The following GABRG2 variants were observed in gnomAD, a reference collection of about 807,000 sequenced individuals.
GABRG2 encodes gamma-aminobutyric acid receptor subunit gamma-2.
GABRG2 carries 16 observed loss-of-function variants against 56.4 expected under a neutral mutation model. The observed-to-expected ratio is 0.28, with a 90% CI of 0.19 to 0.43. The LOEUF is 0.43. GABRG2 is among the 20% of genes least tolerant of loss of function. GABRG2 has a pLI of 1.00. For synonymous variants in GABRG2, 208 were observed against 205.5 expected, an observed-to-expected ratio of 1.01 and a Z score of -0.10; for missense variants, 327 against 582.7, an observed-to-expected ratio of 0.56 and a Z score of 4.52.
In GABRG2 at chr5:162,104,035, C is replaced by A. The variant is rs1761626925; in HGVS notation, c.769+9C>A. On this transcript the variant is annotated intron_variant, in intron 6 of 9. Transcript: ENST00000639213. The stretch of plus-strand genomic sequence containing the variant: ...AGTGAAGACAACTTCCGGTAAGATG[C>A]ACTGGCAAAGAATTTCAAGTGACCC... 4 of 1,613,754 alleles carry A rather than the reference C, an allele frequency of 2.5e-6. No individual in the cohort carries two copies. The highest frequency in any genetic ancestry group is 3.4e-6 in the Non-Finnish European group (4 of 1,179,814).
intron 6 of GABRG2, among the ~76,000 whole-genome samples, chr5:162,122,819 A>G (rs1211850976): frequency 6.6e-6 from 1 of 151,716 alleles, no homozygotes; most frequent in African/African-American, 2.4e-5. Flanking sequence ...GCCCATTAAA[A>G]CCTAACATAA....
At chr5:162,106,064 A>G (rs1761806132) in intron 6 of GABRG2, among the ~76,000 whole-genome samples, 2 of 152,084 alleles carry the variant, frequency 1.3e-5, no homozygotes, top group African/African-American at 4.8e-5. Context: ...AGAGCCCAAC[A>G]TTACCACCTC....
At chr5:162,073,099 C>A (rs1758804890) in intron 1 of GABRG2, among the ~76,000 whole-genome samples, 1 of 151,844 alleles carries the variant, frequency 6.6e-6, no homozygotes, top group Non-Finnish European at 1.5e-5. Context: ...GAATCTACAA[C>A]AGATACTTTA....
chr5:162,100,487 CA>C (rs1222168961), intron 4 of GABRG2: 2 of 152,110 alleles, frequency 1.3e-5, no homozygotes, highest in Non-Finnish European at 2.9e-5. Context: ...ATTTGACTTT[CA>C]AATCTTCTCC....
chr5:162,152,707 G>A (rs1765460343), intron 9 of GABRG2: 4 of 434,278 alleles, frequency 9.2e-6, no homozygotes, highest in Non-Finnish European at 1.7e-5. Context: ...CAGAATTGAT[G>A]CATTTTTATT....
chr5:162,108,020 A>G (rs1158453893), intron 6 of GABRG2, among the ~76,000 whole-genome samples: 1 of 152,194 alleles, frequency 6.6e-6, no homozygotes, highest in Non-Finnish European at 1.5e-5. Flanking sequence ...AGCACTAACT[A>G]CATGCACCAT....
Position 162,111,687 on chromosome 5 carries a change from G to C in GABRG2, c.769+7661G>C, listed in dbSNP as rs1268842787. ...TGAGAAAGATATTCTTTTTCCATTT[G>C]ATAGATGAGGAAACTAAGGTTTAGA... is the stretch of plus-strand genomic sequence containing the variant. On this transcript the variant is annotated intron_variant, in intron 6 of 9. Coordinates refer to ENST00000639213, the MANE Select transcript of GABRG2 (RefSeq NM_198904.4). 3.3e-5 allele frequency among the ~76,000 whole-genome samples: 5 copies of C among 152,196 alleles called. No individual in the cohort carries two copies. The East Asian group carries it at 9.6e-4, about 29-fold the overall frequency.
rs200449368 is a variant in GABRG2 at position 162,142,204 on chromosome 5, A to G, written c.810A>G (p.Arg270=). Residue 270 remains arginine, a synonymous_variant, in exon 7 of 10, where the codon AGA becomes AGG. Coordinates refer to ENST00000639213, the MANE Select transcript of GABRG2 (RefSeq NM_198904.4). ...TGTCTGTCTACTTTGATCTGAGCAG[A>G]AGAATGGGATACTTTACCATCCAGA... ...VVMSVYFDLS[R]RMGYFTIQTY... 3.7e-6 allele frequency: 6 copies of G among 1,614,102 alleles called. No individual in the cohort carries two copies. Among genetic ancestry groups the G allele is most frequent in the East Asian group, 4.5e-5 (2 of 44,856 alleles).
At chr5:162,079,932 A>C (rs1016713812) in intron 1 of GABRG2, among the ~76,000 whole-genome samples, 1 of 152,076 alleles carries the variant, frequency 6.6e-6, no homozygotes, top group African/African-American at 2.4e-5. Context: ...GGGGTGCACC[A>C]CCATGCTCAG....
At position 162,085,712 on chromosome 5, in the gene GABRG2, G is replaced by C. The variant is rs116202966; in HGVS notation, c.108-8116G>C. Among the ~76,000 whole-genome samples the C allele has an allele frequency of 4.4e-3, 673 of 151,482 alleles. 7 individuals carry two copies. The highest frequency in any genetic ancestry group is 0.016 in the African/African-American group (647 of 41,274). The stretch of plus-strand genomic sequence containing the variant: ...TTGGTGCCCATCAGTTATTTTTCCT[G>C]ATCCTCTCCCTCCTCCTACCCTTCA... On this transcript the variant is annotated intron_variant, in intron 1 of 9. Coordinates refer to ENST00000639213, the MANE Select transcript of GABRG2 (RefSeq NM_198904.4).
At chr5:162,094,416 C>T (rs1216209377) in intron 2 of GABRG2, 1 of 195,190 alleles carries the variant, frequency 5.1e-6, no homozygotes, top group Non-Finnish European at 1.1e-5. Context: ...CAGAGATATA[C>T]TAATCTATGC....
At chr5:162,134,806 C>A (rs916147625) in intron 6 of GABRG2, among the ~76,000 whole-genome samples, 7 of 152,080 alleles carry the variant, frequency 4.6e-5, no homozygotes. Context: ...CGAAGACCAT[C>A]CCTCCTCAGC....
intron 1 of GABRG2, among the ~76,000 whole-genome samples, chr5:162,088,727 G>A (rs926790155): frequency 1.3e-5 from 2 of 152,054 alleles, no homozygotes; most frequent in Non-Finnish European, 2.9e-5. Context: ...AAGAATAATG[G>A]TTAAATGTTT....
chr5:162,089,220 C>T (rs1024205917), intron 1 of GABRG2, among the ~76,000 whole-genome samples: 22 of 151,960 alleles, frequency 1.4e-4, no homozygotes, highest in African/African-American at 5.3e-4. Context: ...TGGAGTTTGG[C>T]CTGATTTCCA....
In GABRG2 at chr5:162,153,404, C is replaced by T; in HGVS notation, c.*36C>T. The T allele has an allele frequency of 6.2e-7, 1 of 1,607,320 alleles. No individual in the cohort carries two copies. On this transcript the variant is annotated 3_prime_UTR_variant, in exon 10 of 10. Transcript: ENST00000639213. ...GTTTTACTGATATGGTTCTTATTCA[C>T]TGAGTCTCATGGAGAGATGTCTGTT... is the stretch of plus-strand genomic sequence containing the variant.
rs2284782 is a variant in GABRG2, at chr5:162,093,739, T to A, written c.108-89T>A. The A allele has an allele frequency of 5.2e-4, 653 of 1,249,738 alleles. 4 individuals carry two copies. The East Asian group carries it at 0.014, about 27-fold the overall frequency. 77.4% of individuals were successfully genotyped at this position (1,249,738 alleles called of 1,614,324 possible). On this transcript the variant is annotated intron_variant, in intron 1 of 9. Transcript: ENST00000639213. Reference sequence around the variant, plus strand: ...AGTTTAAACATTTCTTTTATCCTGTTTTATTTCTTCTTTTCCACTGGTGGT... The same window carrying A: ...AGTTTAAACATTTCTTTTATCCTGTATTATTTCTTCTTTTCCACTGGTGGT...
In GABRG2 at chr5:162,116,110, ATGTGTGTG is replaced by A. The variant is rs34083256; in HGVS notation, c.769+12114_769+12121del. On this transcript the variant is annotated intron_variant, in intron 6 of 9. Coordinates refer to ENST00000639213, the MANE Select transcript of GABRG2 (RefSeq NM_198904.4). ...ATTAAACACCAAGGGGTGTGCGTGC[ATGTGTGTG>A]TGTGTGTGTGTGTGTGTGTGTGTGT... 4.2e-4 allele frequency among the ~76,000 whole-genome samples: 53 copies of A among 127,220 alleles called. No homozygotes were observed. In the East Asian group the frequency reaches 7.8e-3, roughly 19 times the overall value. The allele number at this position is 127,220 out of a possible 152,430, so 83.5% of individuals were successfully genotyped here. A position where few individuals can be genotyped will look rare whatever the true frequency, so the allele number is the denominator to read the frequency against.
Position 162,154,667 on chromosome 5 carries a change from G to A in GABRG2, c.*1299G>A, listed in dbSNP as rs572636789. 6.6e-6 allele frequency: 1 copy of A among 152,174 alleles called. No individual in the cohort carries two copies. The highest frequency in any genetic ancestry group is 1.5e-5 in the Non-Finnish European group (1 of 68,002). 9.4% of individuals were successfully genotyped at this position (152,174 alleles called of 1,614,324 possible). A position where few individuals can be genotyped will look rare whatever the true frequency, so the allele number is the denominator to read the frequency against. The stretch of plus-strand genomic sequence containing the variant: ...ATGACTCTACTAGGGCATAATTAGA[G>A]TTTGTGTATTATTTTTCCAGGTTTG... On this transcript the variant is annotated 3_prime_UTR_variant, in exon 10 of 10. Coordinates refer to ENST00000639213, the MANE Select transcript of GABRG2 (RefSeq NM_198904.4).
chr5:162,147,747 A>C lies in GABRG2; in HGVS notation c.923-1361A>C, dbSNP rs376497202. ...CCTAGAAGTCTCTTGGTTAGCAGTA[A>C]TAGTCAGAATTGCACATCTTTAAAT... On this transcript the variant is annotated intron_variant, in intron 7 of 9. Transcript: ENST00000639213. Among the ~76,000 whole-genome samples the C allele has an allele frequency of 1.5e-3, 224 of 152,288 alleles. 3 individuals are homozygous for C. Among genetic ancestry groups the C allele is most frequent in the African/African-American group, 5.3e-3 (219 of 41,564 alleles).
Sources: gnomAD v4.1 joint callset for allele counts (sites outside exome capture counted in the v4.1 genomes callset) on GRCh38, gnomAD v4.1.1 for gene constraint, MANE v1.5 for transcripts, NCBI Gene and HGNC (gene_info 2026-07-23, HGNC 2026-07-21) for gene names.